Variants in SLCO2B1 observed in about 807,000 individuals in gnomAD.
SLCO2B1 encodes solute carrier organic anion transporter family member 2B1.
A neutral mutation model predicts 67.3 loss-of-function variants in SLCO2B1; 41 were observed. The observed-to-expected ratio is 0.61, with a 90% CI of 0.47 to 0.79. SLCO2B1 has a LOEUF of 0.79. SLCO2B1 is among the 30% of genes least tolerant of loss of function. SLCO2B1 has a pLI of 0.00. For missense variants in SLCO2B1, 837 were observed against 920.1 expected (o/e 0.91, Z 1.17); for synonymous variants, 379 against 381.4 (o/e 0.99, Z 0.07).
chr11:75,170,376 G>C (rs1406352213), intron 6 of SLCO2B1, among the ~76,000 whole-genome samples: 1 of 152,222 alleles, frequency 6.6e-6, no homozygotes, highest in East Asian at 1.9e-4. Context: ...AGTGGTCAGA[G>C]TGGGCCAAGG....
chr11:75,189,976 A>AG (rs1189754656), intron 8 of SLCO2B1, among the ~76,000 whole-genome samples: 1 of 151,568 alleles, frequency 6.6e-6, no homozygotes, highest in Non-Finnish European at 1.5e-5. Flanking sequence ...AAAAAAAAAA[A>AG]AAAGACTTGA....
chr11:75,163,716 C>G (rs1949851670), intron 2 of SLCO2B1, among the ~76,000 whole-genome samples: 1 of 151,954 alleles, frequency 6.6e-6, no homozygotes, highest in African/African-American at 2.4e-5. Flanking sequence ...CACCAGTAAC[C>G]ATCTCTCTCT....
intron 8 of SLCO2B1, among the ~76,000 whole-genome samples, chr11:75,190,037 A>G (rs1944995110): frequency 6.6e-6 from 1 of 151,902 alleles, no homozygotes; most frequent in Admixed American, 6.6e-5. Flanking sequence ...TTCCCAGGGA[A>G]AGAGAGGGCT....
rs747800964 is a variant in SLCO2B1 at position 75,193,266 on chromosome 11, T to C, written c.1124T>C (p.Leu375Pro). The change falls in exon 9 of 14, where the codon CTG becomes CCG. Residue 375 changes from leucine (L) to proline (P), a missense_variant. Leu to Pro is a moderately conservative substitution (Grantham distance 98). Transcript: ENST00000289575. This position sits in a 1 kb window ranked among gnomAD's most constrained non-coding sequence, Gnocchi z 4.2. The stretch of plus-strand genomic sequence containing the variant: ...ACCCTACGCCACCCCATCTTCCTGC[T>C]GGTGGTCCTGTCCCAGGTATGCTTG... ...LQTLRHPIFL[L>P]VVLSQVCLSS... 1.2e-5 allele frequency: 20 copies of C among 1,613,702 alleles called. No individual in the cohort carries two copies. The highest frequency in any genetic ancestry group is 2.7e-5 in the African/African-American group (2 of 74,922).
At chr11:75,182,767 A>AAAT (rs1490463908) in intron 7 of SLCO2B1, among the ~76,000 whole-genome samples, 2 of 152,022 alleles carry the variant, frequency 1.3e-5, no homozygotes, top group African/African-American at 4.8e-5. Flanking sequence ...AATGTAGACC[A>AAAT]AATAGGAATG....
In SLCO2B1 at chr11:75,206,073, G is replaced by T. The variant is rs2140352545; in HGVS notation, c.*1493G>T. 6.6e-6 allele frequency: 1 copy of T among 152,314 alleles called. No individual in the cohort carries two copies. 9.4% of individuals were successfully genotyped at this position (152,314 alleles called of 1,614,324 possible). On this transcript the variant is annotated 3_prime_UTR_variant, in exon 14 of 14. Coordinates refer to ENST00000289575, the MANE Select transcript of SLCO2B1 (RefSeq NM_007256.5). ...CTTTTTATTTTGCTGGTTGGTATCT[G>T]TAAATGTTTAATAAATATCTGAGCA...
intron 3 of SLCO2B1, among the ~76,000 whole-genome samples, chr11:75,164,972 C>T (rs1390933478): frequency 6.6e-6 from 1 of 152,132 alleles, no homozygotes; most frequent in Non-Finnish European, 1.5e-5. Flanking sequence ...TGATACTGAT[C>T]CACTCCCCCA....
At chr11:75,179,218 ATTTTTTTTTTTTTT>A (rs373993870) in intron 7 of SLCO2B1, among the ~76,000 whole-genome samples, 5 of 66,648 alleles carry the variant, frequency 7.5e-5, no homozygotes, top group Non-Finnish European at 1.4e-4. Context: ...GATACATGAG[ATTTTTTTTTTTTTT>A]TTTTTTTTTT....
intron 7 of SLCO2B1, among the ~76,000 whole-genome samples, chr11:75,182,346 C>T (rs955382384): frequency 2.0e-5 from 3 of 152,220 alleles, no homozygotes; most frequent in African/African-American, 7.2e-5. Context: ...CTGGGTGACA[C>T]TCCCCCTTTT....
At chr11:75,195,748 G>A (rs544787623) in intron 9 of SLCO2B1, among the ~76,000 whole-genome samples, 141 of 152,326 alleles carry the variant, frequency 9.3e-4, no homozygotes, top group African/African-American at 3.1e-3. Flanking sequence ...CCTGAAAGGC[G>A]CAGCCTCTCT....
intron 10 of SLCO2B1, among the ~76,000 whole-genome samples, chr11:75,198,702 T>A (rs1484144543): frequency 6.6e-6 from 1 of 152,206 alleles, no homozygotes; most frequent in Non-Finnish European, 1.5e-5. Flanking sequence ...CACACTGGCC[T>A]GGAATCGTGT....
At chr11:75,197,419 G>A (rs928553998) in intron 10 of SLCO2B1, among the ~76,000 whole-genome samples, 6 of 152,258 alleles carry the variant, frequency 3.9e-5, no homozygotes, top group African/African-American at 1.4e-4. Context: ...CCAGGCAGGG[G>A]GAAATGCGCT....
rs184750503 is a variant in SLCO2B1 at position 75,200,340 on chromosome 11, G to T, written c.1716G>T (p.Ser572=). The T allele has an allele frequency of 6.2e-7, 1 of 1,612,840 alleles. No individual in the cohort carries two copies. Among genetic ancestry groups the T allele is most frequent in the South Asian group, 1.1e-5 (1 of 90,968 alleles). The change falls in exon 11 of 14, where the codon TCG becomes TCT. Residue 572 remains serine, a synonymous_variant. Transcript: ENST00000289575. ...TCCTGCTCCTGGTCAGCCTGGGCTC[G>T]GCCCTGGCCTGTCTCACCCACACAC... is the stretch of plus-strand genomic sequence containing the variant. ...VPFLLLVSLG[S]ALACLTHTPS...
Position 75,193,364 on chromosome 11 carries a change from T to C in SLCO2B1, c.1222T>C (p.Tyr408His), listed in dbSNP as rs368538607. The C allele has an allele frequency of 2.4e-5, 39 of 1,614,098 alleles. No individual in the cohort carries two copies. The African/African-American group carries it at 4.4e-4, about 18-fold the overall frequency. Reference sequence around the variant, plus strand: ...GCGCCAGTTTTCCATCACAGCCTCCTACGCCAACCTGCTCATCGGCTGCCT... The same window carrying C: ...GCGCCAGTTTTCCATCACAGCCTCCCACGCCAACCTGCTCATCGGCTGCCT... ...LERQFSITAS[Y>H]ANLLIGCLSF... The change falls in exon 9 of 14, where the codon TAC becomes CAC. Residue 408 changes from tyrosine (Y) to histidine (H), a missense_variant. Coordinates refer to ENST00000289575, the MANE Select transcript of SLCO2B1 (RefSeq NM_007256.5). This position sits in a 1 kb window ranked among gnomAD's most constrained non-coding sequence, Gnocchi z 4.2.
chr11:75,165,881 T>C lies in SLCO2B1; in HGVS notation c.380T>C (p.Leu127Pro). The C allele has an allele frequency of 6.2e-7, 1 of 1,614,142 alleles. No individual in the cohort carries two copies. The highest frequency in any genetic ancestry group is 8.5e-7 in the Non-Finnish European group (1 of 1,179,970). ...GGCTATGGGGCTATCCTTGTGGCCC[T>C]GGCGGGCCTGCTCATGACTCTCCCG... ...MIGYGAILVA[L>P]AGLLMTLPHF... The change falls in exon 4 of 14, where the codon CTG becomes CCG. Residue 127 changes from leucine (L) to proline (P), a missense_variant. Physicochemically the swap from Leu to Pro is moderately conservative, Grantham distance 98. Transcript: ENST00000289575.
chr11:75,168,079 G>A (rs1383233522), intron 4 of SLCO2B1, among the ~76,000 whole-genome samples: 2 of 151,922 alleles, frequency 1.3e-5, no homozygotes, highest in East Asian at 1.9e-4. Flanking sequence ...TTTTAGTAGC[G>A]ATGGGATTTC....
chr11:75,183,618 G>A lies in SLCO2B1; in HGVS notation c.973-4518G>A, dbSNP rs539863050. On this transcript the variant is annotated intron_variant, in intron 7 of 13. Coordinates refer to ENST00000289575, the MANE Select transcript of SLCO2B1 (RefSeq NM_007256.5). ...TAGCTTACTGTAGCCTTGGACTCCTGGGCTCAAGTGATGCTTCCACCTGAG... is the reference window on the plus strand; with the variant it reads ...TAGCTTACTGTAGCCTTGGACTCCTAGGCTCAAGTGATGCTTCCACCTGAG... 7.2e-5 allele frequency among the ~76,000 whole-genome samples: 11 copies of A among 152,210 alleles called. No individual in the cohort carries two copies. The East Asian group carries it at 1.9e-3, about 27-fold the overall frequency.
At chr11:75,162,976 G>A (rs1193560305) in intron 2 of SLCO2B1, 191 bp downstream of exon 2, 23 of 588,198 alleles carry the variant, frequency 3.9e-5, no homozygotes, top group African/African-American at 1.1e-4. Context: ...AAGGTGGCCA[G>A]TACATGTTCG....
In SLCO2B1 at chr11:75,159,092, T is replaced by G. The variant is rs189856877; in HGVS notation, c.17-3563T>G. ...TTCAGGAACTTGTCTGACTGTCTTA[T>G]GAGGAGCTGCAGGCAGGTGGCTGAC... On this transcript the variant is annotated intron_variant, in intron 1 of 13. Coordinates refer to ENST00000289575, the MANE Select transcript of SLCO2B1 (RefSeq NM_007256.5). Among the ~76,000 whole-genome samples, 334 of 152,346 alleles carry G rather than the reference T, an allele frequency of 2.2e-3. 5 individuals carry two copies. The highest frequency in any genetic ancestry group is 7.8e-3 in the African/African-American group (323 of 41,584).
Sources: allele counts gnomAD v4.1 joint callset (sites outside exome capture counted in the v4.1 genomes callset), GRCh38; gene constraint gnomAD v4.1.1; non-coding constraint Gnocchi (gnomAD v3.1); transcripts MANE v1.5; gene names NCBI Gene and HGNC (gene_info 2026-07-23, HGNC 2026-07-21).